The following NBEAL1 variants were observed in gnomAD, a reference collection of about 807,000 sequenced individuals.
NBEAL1 encodes the protein neurobeachin-like protein 1.
In NBEAL1, 273 loss-of-function variants were observed where a neutral mutation model predicts 351.3. The ratio of observed to expected loss-of-function variants is 0.78; its 90% CI spans 0.70 to 0.86. NBEAL1 has a LOEUF of 0.86. Among genes scored for constraint, NBEAL1 ranks in the 40% least tolerant of loss-of-function variants. The pLI is 0.00. For missense variants in NBEAL1, 2,961 were observed against 3,201.3 expected (o/e 0.92, Z 1.81); for synonymous variants, 1,050 against 1,086.4 (o/e 0.97, Z 0.66).
At position 203,135,895 on chromosome 2, in the gene NBEAL1, A is replaced by G; in HGVS notation, c.4032A>G (p.Lys1344=). Residue 1344 remains lysine (K), a synonymous_variant, in exon 28 of 56, where the codon AAA becomes AAG. Coordinates refer to ENST00000683969, the MANE Select transcript of NBEAL1 (RefSeq NM_001378026.1). ...CTGATGAAAAAACAGATGAGGAAAA[A>G]ATCACCTCTTTTGCCTCAGCTAATG... The part of the protein sequence containing the change: ...KNSDEKTDEE[K]ITSFASANVS... 1.9e-6 allele frequency: 3 copies of G among 1,614,132 alleles called. No homozygotes were observed. The highest frequency in any genetic ancestry group is 2.5e-6 in the Non-Finnish European group (3 of 1,180,006).
At chr2:203,160,906 G>C (rs1333533098) in intron 36 of NBEAL1, among the ~76,000 whole-genome samples, 1 of 152,124 alleles carries the variant, frequency 6.6e-6, no homozygotes, top group East Asian at 1.9e-4. Context: ...TAACCCCCCC[G>C]ATCCAGCTGA....
At chr2:203,125,845 G>A in intron 20 of NBEAL1, 115 bp from the exon 21 acceptor site, 1 of 845,284 alleles carries the variant, frequency 1.2e-6, no homozygotes, top group Non-Finnish European at 1.7e-6. Flanking sequence ...AGCGTTGGAA[G>A]CTGACTGCTG....
Position 203,108,048 on chromosome 2 carries a change from T to C in NBEAL1, c.1809T>C (p.His603=). 3 of 1,553,276 alleles carry C rather than the reference T, an allele frequency of 1.9e-6. No individual in the cohort carries two copies. Among genetic ancestry groups the C allele is most frequent in the Middle Eastern group, 1.7e-4 (1 of 5,992 alleles). ...CCCTCCAGTATTTCAATTTGTCACA[T>C]AGTATGGCAGGAATTTCTGTGCCTC... is the stretch of plus-strand genomic sequence containing the variant. ...ESALQYFNLS[H]SMAGISVPPI... Residue 603 remains histidine, a synonymous_variant, in exon 14 of 56, where the codon CAT becomes CAC. Coordinates refer to ENST00000683969, the MANE Select transcript of NBEAL1 (RefSeq NM_001378026.1).
At position 203,190,578 on chromosome 2, in the gene NBEAL1, T is replaced by C. The variant is rs1250146515; in HGVS notation, c.6921+189T>C. 7 of 669,854 alleles carry C rather than the reference T, an allele frequency of 1.0e-5. No homozygotes were observed. The African/African-American group carries it at 1.3e-4, about 12-fold the overall frequency. 41.5% of individuals were successfully genotyped at this position (669,854 alleles called of 1,614,324 possible). A position where few individuals can be genotyped will look rare whatever the true frequency, so the allele number is the denominator to read the frequency against. ...CTGAGTACCTATTAGGGTATGCCAT[T>C]AAAACTGTCCTCATGCTGGGACTCA... On this transcript the variant is annotated intron_variant, in intron 46 of 55. Transcript: ENST00000683969.
intron 8 of NBEAL1, among the ~76,000 whole-genome samples, chr2:203,081,287 G>A (rs1197644717): frequency 6.6e-6 from 1 of 152,158 alleles, no homozygotes; most frequent in Admixed American, 6.5e-5. Context: ...AACCTGTCCT[G>A]TTTTGTGTTA....
At chr2:203,026,435 C>T (rs1475938022) in intron 2 of NBEAL1, among the ~76,000 whole-genome samples, 2 of 151,808 alleles carry the variant, frequency 1.3e-5, no homozygotes, top group Non-Finnish European at 2.9e-5. Context: ...ATTCTTAAGA[C>T]TTCACATAAT....
Position 203,137,422 on chromosome 2 carries a change from G to C in NBEAL1, c.4565+648G>C, listed in dbSNP as rs552732738. ...TTGGACACCCCTGCTGTAGATAATA[G>C]GACTCTGTAATGGTAGTACACCGGG... On this transcript the variant is annotated intron_variant, in intron 29 of 55. Coordinates refer to ENST00000683969, the MANE Select transcript of NBEAL1 (RefSeq NM_001378026.1). Among the ~76,000 whole-genome samples the C allele has an allele frequency of 6.5e-4, 99 of 152,228 alleles. 1 individual carries two copies. The highest frequency in any genetic ancestry group is 2.2e-3 in the African/African-American group (93 of 41,546).
chr2:203,134,974 G>A (rs955634155), intron 27 of NBEAL1, among the ~76,000 whole-genome samples: 5 of 151,986 alleles, frequency 3.3e-5, no homozygotes, highest in African/African-American at 1.2e-4. Flanking sequence ...TCAGGAGTTC[G>A]AGACCAGCCT....
intron 48 of NBEAL1, among the ~76,000 whole-genome samples, chr2:203,198,052 C>G (rs2065289166): frequency 7.8e-6 from 1 of 128,326 alleles, no homozygotes; most frequent in Admixed American, 8.8e-5. Context: ...CAGAGTCTCA[C>G]TCTGTCACCC....
At chr2:203,048,628 C>T (rs2061270355) in intron 3 of NBEAL1, among the ~76,000 whole-genome samples, 1 of 152,100 alleles carries the variant, frequency 6.6e-6, no homozygotes, top group Non-Finnish European at 1.5e-5. Flanking sequence ...ACTTCAGCGT[C>T]CATAGGGAAC....
At chr2:203,082,749 G>C (rs1323692844) in intron 8 of NBEAL1, among the ~76,000 whole-genome samples, 2 of 152,236 alleles carry the variant, frequency 1.3e-5, no homozygotes, top group East Asian at 3.9e-4. Context: ...TTTTGAGCTG[G>C]TACAGCAACT....
Position 203,127,779 on chromosome 2 carries a change from AGGAATGG to A in NBEAL1, c.3249-1_3254del. 1 of 1,486,210 alleles carries A rather than the reference AGGAATGG, an allele frequency of 6.7e-7. No individual in the cohort carries two copies. The highest frequency in any genetic ancestry group is 9.1e-7 in the Non-Finnish European group (1 of 1,096,374). The allele number at this position is 1,486,210 out of a possible 1,614,324, so 92.1% of individuals were successfully genotyped here. On this transcript the variant is annotated splice_acceptor_variant and coding_sequence_variant, in exon 24 of 56. Transcript: ENST00000683969. LOFTEE classifies it high-confidence loss of function. ...ATTCTTATACTTTGTTTTGTCTTTC[AGGAATGG>A]TTGTAAATATAATGAACTATCTCTA...
intron 17 of NBEAL1, 73 bp from the exon 18 acceptor site, chr2:203,115,912 T>G: frequency 1.0e-6 from 1 of 980,762 alleles, no homozygotes; most frequent in Non-Finnish European, 1.5e-6. Context: ...ATTTTAAATT[T>G]TATTCTGATA....
rs989140631 is a variant in NBEAL1, at chr2:203,221,542, G to C, written c.*4188G>C. On this transcript the variant is annotated 3_prime_UTR_variant, in exon 56 of 56. Transcript: ENST00000683969. Reference sequence around the variant, plus strand: ...TATAAGAAATGAAACATGTTTGTTTGTTTCCTTTTTGTTTGTTTGTTTGCA... The same window carrying C: ...TATAAGAAATGAAACATGTTTGTTTCTTTCCTTTTTGTTTGTTTGTTTGCA... Among the ~76,000 whole-genome samples, 22 of 152,076 alleles carry C rather than the reference G, an allele frequency of 1.4e-4. No individual in the cohort carries two copies. Among genetic ancestry groups the C allele is most frequent in the African/African-American group, 4.8e-4 (20 of 41,516 alleles).
chr2:203,172,807 C>T lies in NBEAL1; in HGVS notation c.6277C>T (p.Pro2093Ser), dbSNP rs1273686395. The T allele has an allele frequency of 6.2e-7, 1 of 1,611,632 alleles. No homozygotes were observed. Among genetic ancestry groups the T allele is most frequent in the South Asian group, 1.1e-5 (1 of 90,726 alleles). The change falls in exon 41 of 56, where the codon CCA (proline) becomes TCA (serine). Residue 2093 changes from proline (P) to serine (S), a missense_variant. Physicochemically the swap from Pro to Ser is moderately conservative, Grantham distance 74 (BLOSUM62 -1). Coordinates refer to ENST00000683969, the MANE Select transcript of NBEAL1 (RefSeq NM_001378026.1). Reference protein sequence around the residue: ...NPAVFRDLSKPIGVVNEKNAK... With the variant: ...NPAVFRDLSKSIGVVNEKNAK... ...TGCTGTATTTCGAGATCTTTCCAAA[C>T]CAATTGGGGTAGTTAATGAAAAAAA...
chr2:203,193,907 T>G lies in NBEAL1; in HGVS notation c.7034T>G (p.Ile2345Arg), dbSNP rs776739026. The G allele has an allele frequency of 3.9e-6, 6 of 1,555,824 alleles. No individual in the cohort carries two copies. The highest frequency in any genetic ancestry group is 4.4e-6 in the Non-Finnish European group (5 of 1,128,758). The change falls in exon 47 of 56, where the codon ATA (isoleucine) becomes AGA (arginine). Residue 2345 changes from isoleucine to arginine, a missense_variant. Physicochemically the swap from Ile to Arg is moderately conservative, Grantham distance 97. Transcript: ENST00000683969. ...CTTCCTGAACTCAAGTCATTTTTTA[T>G]AGAGGTAATATCCTACTTGGTAATA... Reference protein sequence around the residue: ...QHLPELKSFFIEGISDGIPLL... With the variant: ...QHLPELKSFFREGISDGIPLL...
intron 10 of NBEAL1, among the ~76,000 whole-genome samples, chr2:203,090,674 A>C (rs1482007408): frequency 6.6e-6 from 1 of 152,154 alleles, no homozygotes; most frequent in Non-Finnish European, 1.5e-5. Flanking sequence ...AGATCACTTG[A>C]GTTCAGGAGT....
At chr2:203,172,917 A>G (rs1027717198) in intron 41 of NBEAL1, 64 bp downstream of exon 41, 2 of 1,454,600 alleles carry the variant, frequency 1.4e-6, no homozygotes, top group African/African-American at 2.9e-5. Context: ...TTGATTTTTT[A>G]CTATGGCCAA....
Position 203,110,262 on chromosome 2 carries a change from A to G in NBEAL1, c.2062A>G (p.Ser688Gly), listed in dbSNP as rs760010055. Residue 688 changes from serine to glycine, a missense_variant, in exon 15 of 56, where the codon AGT (serine) becomes GGT (glycine). Physicochemically the swap from Ser to Gly is moderately conservative, Grantham distance 56 (BLOSUM62 0). Coordinates refer to ENST00000683969, the MANE Select transcript of NBEAL1 (RefSeq NM_001378026.1). ...EYATVMLPDH[S>G]FCDSLWHNIT... ...TGCAACGGTTATGCTTCCTGACCAC[A>G]GTTTCTGTGATTCCCTCTGGGTAAG... 1.7e-5 allele frequency: 27 copies of G among 1,552,288 alleles called. No homozygotes were observed. Among genetic ancestry groups the G allele is most frequent in the South Asian group, 1.4e-4 (12 of 84,046 alleles).
Sources: gnomAD v4.1 joint callset for allele counts (sites outside exome capture counted in the v4.1 genomes callset) on GRCh38, gnomAD v4.1.1 for gene constraint, MANE v1.5 for transcripts, NCBI Gene and HGNC (gene_info 2026-07-23, HGNC 2026-07-21) for gene names.